The following GAB2 variants were observed in gnomAD, a reference collection of about 807,000 sequenced individuals.
GAB2 encodes GRB2-associated-binding protein 2.
A neutral mutation model predicts 65.5 loss-of-function variants in GAB2; 26 were observed. The observed-to-expected ratio is 0.40, with a 90% CI of 0.29 to 0.55. The LOEUF (loss-of-function observed/expected upper bound fraction) is 0.55. Among genes scored for constraint, GAB2 ranks in the 20% least tolerant of loss-of-function variants. GAB2 has a pLI of 0.53. For missense variants in GAB2, 884 were observed against 875.8 expected (o/e 1.01, Z -0.12); for synonymous variants, 321 against 329.6 (o/e 0.97, Z 0.28).
At chr11:78,377,871 C>G (rs1272530646) in intron 1 of GAB2, among the ~76,000 whole-genome samples, 1 of 152,154 alleles carries the variant, frequency 6.6e-6, no homozygotes, top group Non-Finnish European at 1.5e-5. Context: ...CTGCTTCAGA[C>G]AAAAAGCAAG....
chr11:78,331,674 T>C (rs184085678), intron 1 of GAB2, among the ~76,000 whole-genome samples: 2 of 152,278 alleles, frequency 1.3e-5, no homozygotes, highest in East Asian at 3.9e-4. Context: ...TTCTCTAAGC[T>C]TGAAGTCCTC....
intron 1 of GAB2, among the ~76,000 whole-genome samples, chr11:78,286,052 C>G (rs1866471903): frequency 6.6e-6 from 1 of 152,210 alleles, no homozygotes; most frequent in Non-Finnish European, 1.5e-5. Flanking sequence ...ATCGCTCTTT[C>G]CCTCCTTTGT....
At chr11:78,367,585 A>G (rs1856513189) in intron 1 of GAB2, among the ~76,000 whole-genome samples, 1 of 152,224 alleles carries the variant, frequency 6.6e-6, no homozygotes, top group Non-Finnish European at 1.5e-5. Flanking sequence ...CAGGCCAAGC[A>G]AAACACTTTA....
intron 1 of GAB2, among the ~76,000 whole-genome samples, chr11:78,413,286 C>G (rs1857152692): frequency 6.6e-6 from 1 of 152,126 alleles, no homozygotes; most frequent in South Asian, 2.1e-4. Context: ...AACCACACAG[C>G]CACTATGACT....
At chr11:78,401,461 T>C (rs1309748145) in intron 1 of GAB2, among the ~76,000 whole-genome samples, 1 of 151,996 alleles carries the variant, frequency 6.6e-6, no homozygotes, top group Non-Finnish European at 1.5e-5. Flanking sequence ...TTGTATCATG[T>C]CCATGTATTA....
At chr11:78,391,391 A>C (rs1856832291) in intron 1 of GAB2, among the ~76,000 whole-genome samples, 1 of 152,242 alleles carries the variant, frequency 6.6e-6, no homozygotes, top group Non-Finnish European at 1.5e-5. Context: ...CCTTTCCATG[A>C]ATCTGAGTGG....
intron 1 of GAB2, among the ~76,000 whole-genome samples, chr11:78,396,759 G>A (rs1393936346): frequency 2.0e-5 from 3 of 152,082 alleles, no homozygotes; most frequent in South Asian, 4.1e-4. Flanking sequence ...CACTGTGCCC[G>A]ACTAATCTTG....
intron 3 of GAB2, among the ~76,000 whole-genome samples, chr11:78,232,347 A>G (rs769276306): frequency 1.3e-5 from 2 of 152,218 alleles, no homozygotes; most frequent in Non-Finnish European, 2.9e-5. Context: ...ACTCACATCA[A>G]TGTATCATCT....
At chr11:78,400,730 C>T (rs1325663301) in intron 1 of GAB2, among the ~76,000 whole-genome samples, 5 of 151,746 alleles carry the variant, frequency 3.3e-5, no homozygotes, top group Admixed American at 6.6e-5. Flanking sequence ...GAGCAAAACC[C>T]CATCTCTATT....
rs778490272 is a variant in GAB2 at position 78,226,521 on chromosome 11, G to A, written c.1151C>T (p.Ala384Val). 1 of 1,608,356 alleles carries A rather than the reference G, an allele frequency of 6.2e-7. No individual in the cohort carries two copies. Among genetic ancestry groups the A allele is most frequent in the Middle Eastern group, 1.7e-4 (1 of 6,054 alleles). ...GAGGGTGTTGCGTCTGGGGATGGTGGCAGCGACAGATCTGCTATTTTCACT... is the reference window on the plus strand; with the variant it reads ...GAGGGTGTTGCGTCTGGGGATGGTGACAGCGACAGATCTGCTATTTTCACT... ...PISENSRSVA[A>V]TIPRRNTLPA... Residue 384 changes from alanine (A) to valine (V), a missense_variant, in exon 4 of 10, where the codon GCC (alanine) becomes GTC (valine). Transcript: ENST00000361507.
chr11:78,237,741 A>G (rs558890439), intron 3 of GAB2, among the ~76,000 whole-genome samples: 2 of 152,374 alleles, frequency 1.3e-5, no homozygotes, highest in East Asian at 3.9e-4. Flanking sequence ...GGTCAGTATC[A>G]AGTGGTCTAG....
intron 1 of GAB2, among the ~76,000 whole-genome samples, chr11:78,384,798 T>G (rs1186897234): frequency 6.6e-6 from 1 of 152,202 alleles, no homozygotes; most frequent in East Asian, 1.9e-4. Context: ...AAACCCAGCC[T>G]GTATATGAAA....
At chr11:78,406,804 A>G (rs1857051234) in intron 1 of GAB2, among the ~76,000 whole-genome samples, 1 of 152,258 alleles carries the variant, frequency 6.6e-6, no homozygotes, top group South Asian at 2.1e-4. Context: ...GATTTTAAAG[A>G]GTCATCATAA....
At chr11:78,251,648 A>G (rs748656147) in intron 2 of GAB2, among the ~76,000 whole-genome samples, 3 of 152,006 alleles carry the variant, frequency 2.0e-5, no homozygotes, top group Non-Finnish European at 4.4e-5. Flanking sequence ...TGTTCCTTCC[A>G]CTTGGATTTC....
At chr11:78,363,474 G>A (rs1457186716) in intron 1 of GAB2, among the ~76,000 whole-genome samples, 2 of 152,182 alleles carry the variant, frequency 1.3e-5, no homozygotes, top group East Asian at 3.9e-4. Context: ...CATCTATGAA[G>A]CACCTATTAC....
At chr11:78,243,168 A>G (rs1244462476) in intron 3 of GAB2, among the ~76,000 whole-genome samples, 1 of 147,420 alleles carries the variant, frequency 6.8e-6, no homozygotes, top group Non-Finnish European at 1.5e-5. Flanking sequence ...TGTCTAGAAA[A>G]AAAAAAAGAA....
chr11:78,329,782 C>T (rs1174811488), intron 1 of GAB2, among the ~76,000 whole-genome samples: 1 of 152,184 alleles, frequency 6.6e-6, no homozygotes, highest in East Asian at 1.9e-4. Context: ...CGCCATATTG[C>T]TACCTGAAAT....
intron 2 of GAB2, among the ~76,000 whole-genome samples, chr11:78,280,206 G>C (rs188584601): frequency 6.6e-6 from 1 of 152,138 alleles, no homozygotes; most frequent in African/African-American, 2.4e-5. Context: ...GCCTGAAATG[G>C]GCTAGGACAG....
At chr11:78,401,246 T>C (rs1856967798) in intron 1 of GAB2, among the ~76,000 whole-genome samples, 1 of 152,148 alleles carries the variant, frequency 6.6e-6, no homozygotes, top group Admixed American at 6.5e-5. Context: ...TCCAGAACCC[T>C]TTATCTTGCA....
Sources: allele counts gnomAD v4.1 joint callset (sites outside exome capture counted in the v4.1 genomes callset), GRCh38; gene constraint gnomAD v4.1.1; transcripts MANE v1.5; gene names NCBI Gene and HGNC (gene_info 2026-07-23, HGNC 2026-07-21).